The following MCM3 variants were observed in gnomAD, a reference collection of about 807,000 sequenced individuals.
MCM3 encodes the protein DNA replication licensing factor MCM3.
In MCM3, 59 loss-of-function variants were observed where a neutral mutation model predicts 91.3. The observed-to-expected ratio is 0.65, with a 90% CI of 0.52 to 0.80. The LOEUF (loss-of-function observed/expected upper bound fraction) is 0.80, where lower values mean the gene tolerates loss of function less well. Ranked by LOEUF, MCM3 falls within the 30% of genes least tolerant of loss-of-function variation. MCM3 has a pLI of 0.00. For synonymous variants in MCM3, 383 were observed against 379.6 expected (o/e 1.01, Z -0.10); for missense variants, 919 against 1,035.4 (o/e 0.89, Z 1.54).
At chr6:52,269,728 G>A (rs959298043) in intron 12 of MCM3, among the ~76,000 whole-genome samples, 9 of 152,178 alleles carry the variant, frequency 5.9e-5, no homozygotes, top group South Asian at 2.1e-4. Flanking sequence ...AACTCAGTCC[G>A]GAGAAGGAGA....
At position 52,282,803 on chromosome 6, in the gene MCM3, C is replaced by T; in HGVS notation, c.250G>A (p.Val84Met). 1 of 1,614,064 alleles carries T rather than the reference C, an allele frequency of 6.2e-7. No homozygotes were observed. The change falls in exon 3 of 17, where the codon GTG becomes ATG. Residue 84 changes from valine to methionine, a missense_variant. By Grantham distance (21) the Val-to-Met change is conservative. Coordinates refer to ENST00000596288, the MANE Select transcript of MCM3 (RefSeq NM_002388.6). ...VAFQRALKDF[V>M]ASIDATYAKQ... is the part of the protein sequence containing the mutation. ...GCATAGGTAGCATCAATGGAGGCCA[C>T]AAAATCCTTTAAGGCCCGCTGGAAG...
chr6:52,279,477 G>A lies in MCM3; in HGVS notation c.654C>T (p.Asp218=), dbSNP rs540379586. The change falls in exon 5 of 17, where the codon GAC becomes GAT. Residue 218 remains aspartate, a synonymous_variant. Coordinates refer to ENST00000596288, the MANE Select transcript of MCM3 (RefSeq NM_002388.6). ...APAGQLPRSV[D]VILDDDLVDK... is the part of the protein sequence containing the mutation. ...CCACCAAGTCATCATCCAGAATGAC[G>A]TCCACAGAGCGGGGGAGCTGGCCGG... is the stretch of plus-strand genomic sequence containing the variant. The A allele has an allele frequency of 1.6e-4, 265 of 1,614,168 alleles. 1 individual carries two copies. The South Asian group carries it at 2.7e-3, about 16-fold the overall frequency.
intron 7 of MCM3, 140 bp downstream of exon 7, chr6:52,277,395 A>G (rs1765672819): frequency 9.3e-7 from 1 of 1,077,270 alleles, no homozygotes; most frequent in Non-Finnish European, 1.3e-6. Flanking sequence ...ATGACAAAAA[A>G]AAAAAAGATT....
In MCM3 at chr6:52,264,492, G is replaced by T; in HGVS notation, c.*96C>A. The T allele has an allele frequency of 7.5e-7, 1 of 1,334,282 alleles. No individual in the cohort carries two copies. The highest frequency in any genetic ancestry group is 1.1e-6 in the Non-Finnish European group (1 of 938,282). The allele number at this position is 1,334,282 out of a possible 1,614,324, so 82.7% of individuals were successfully genotyped here. A position where few individuals can be genotyped will look rare whatever the true frequency, so the allele number is the denominator to read the frequency against. ...CTCGCCTTCAGTTGAATTCAACACTGTTAAGGGAGTAGAGGCAAAGACTTG... is the reference window on the plus strand; with the variant it reads ...CTCGCCTTCAGTTGAATTCAACACTTTTAAGGGAGTAGAGGCAAAGACTTG... On this transcript the variant is annotated 3_prime_UTR_variant, in exon 17 of 17. Transcript: ENST00000596288.
rs1765186628 is a variant in MCM3 at position 52,272,160 on chromosome 6, T to C, written c.1827+141A>G. ...CATTTTCCTTTATAAAAGGAAATGA[T>C]TAAAATTGTATAACAGGAAGCCCTT... On this transcript the variant is annotated intron_variant, in intron 12 of 16. Transcript: ENST00000596288. The C allele has an allele frequency of 5.2e-6, 4 of 767,826 alleles. No individual in the cohort carries two copies. The South Asian group carries it at 1.2e-4, about 23-fold the overall frequency. The allele number at this position is 767,826 out of a possible 1,614,324, so 47.6% of individuals were successfully genotyped here. A position where few individuals can be genotyped will look rare whatever the true frequency, so the allele number is the denominator to read the frequency against.
At chr6:52,273,976 G>A in intron 9 of MCM3, 60 bp from the exon 10 acceptor site, 1 of 1,370,596 alleles carries the variant, frequency 7.3e-7, no homozygotes, top group South Asian at 1.3e-5. Context: ...AGAACAACAA[G>A]GCTGCTGCAG....
rs1478448870 is a variant in MCM3, at chr6:52,279,377, T to C, written c.754A>G (p.Thr252Ala). 4 of 1,613,884 alleles carry C rather than the reference T, an allele frequency of 2.5e-6. No homozygotes were observed. The highest frequency in any genetic ancestry group is 4.5e-5 in the East Asian group (2 of 44,890). ...ACCCTTTACCTGAAGGTCCCAGAGG[T>C]GTAGCCTCCCTTCTTTCCAGGAAGG... ...RCLPGKKGGY[T>A]SGTFRTVLIA... The change falls in exon 5 of 17, where the codon ACC (threonine) becomes GCC (alanine). Residue 252 changes from threonine to alanine, a missense_variant. Thr to Ala is a moderately conservative substitution (Grantham distance 58). This residue lies in a region of MCM3 where 401 missense variants were observed against 402.7 expected (regional missense o/e 1.00). Transcript: ENST00000596288.
intron 11 of MCM3, among the ~76,000 whole-genome samples, 166 bp from the exon 12 acceptor site, chr6:52,272,617 T>A (rs1383917670): frequency 6.6e-6 from 1 of 152,208 alleles, no homozygotes; most frequent in East Asian, 1.9e-4. Flanking sequence ...ATATTTTTAT[T>A]TAATTATTAC....
chr6:52,279,562 A>G lies in MCM3; in HGVS notation c.569T>C (p.Leu190Pro). ...ENNPLETEYG[L>P]SVYKDHQTIT... ...GGTCTGGTGATCCTTGTAGACAGAA[A>G]GGCCATATTCTGTCTCAAGGGGATT... The change falls in exon 5 of 17, where the codon CTT becomes CCT. Residue 190 changes from leucine to proline, a missense_variant. This residue lies in a region of MCM3 where 401 missense variants were observed against 402.7 expected (regional missense o/e 1.00). Coordinates refer to ENST00000596288, the MANE Select transcript of MCM3 (RefSeq NM_002388.6). The G allele has an allele frequency of 1.9e-6, 3 of 1,614,088 alleles. No homozygotes were observed. The highest frequency in any genetic ancestry group is 1.7e-6 in the Non-Finnish European group (2 of 1,180,010).
chr6:52,276,558 G>A, intron 8 of MCM3, 82 bp from the exon 9 acceptor site: 2 of 1,204,604 alleles, frequency 1.7e-6, no homozygotes, highest in Non-Finnish European at 1.2e-6. Flanking sequence ...TCCTTCCTAG[G>A]AATCTCTCAC....
At chr6:52,275,505 G>A (rs181416508) in intron 9 of MCM3, among the ~76,000 whole-genome samples, 1 of 152,276 alleles carries the variant, frequency 6.6e-6, no homozygotes, top group East Asian at 1.9e-4. Flanking sequence ...TTTAAAGAGG[G>A]TAATTTTGCA....
At position 52,266,667 on chromosome 6, in the gene MCM3, T is replaced by C. The variant is rs777905279; in HGVS notation, c.2102A>G (p.Asp701Gly). 6.2e-7 allele frequency: 1 copy of C among 1,614,188 alleles called. No individual in the cohort carries two copies. Among genetic ancestry groups the C allele is most frequent in the East Asian group, 2.2e-5 (1 of 44,886 alleles). The change falls in exon 15 of 17, where the codon GAT becomes GGT. Residue 701 changes from aspartate to glycine, a missense_variant. Asp to Gly is a moderately conservative substitution (Grantham distance 94, BLOSUM62 -1). Transcript: ENST00000596288. ...RRKTRQPDAK[D>G]GDSYDPYDFS... The stretch of plus-strand genomic sequence containing the variant: ...GTCATAGGGGTCGTATGAATCCCCA[T>C]CTTTGGCATCTGGCTGGCGAGTCTT...
chr6:52,279,358 T>C lies in MCM3; in HGVS notation c.770+3A>G, dbSNP rs1317495302. The stretch of plus-strand genomic sequence containing the variant: ...TCCATATACTTTAAGGCAGACCCTT[T>C]ACCTGAAGGTCCCAGAGGTGTAGCC... On this transcript the variant is annotated splice_donor_region_variant and intron_variant, in intron 5 of 16. Coordinates refer to ENST00000596288, the MANE Select transcript of MCM3 (RefSeq NM_002388.6). The C allele has an allele frequency of 6.2e-7, 1 of 1,611,416 alleles. No individual in the cohort carries two copies. Among genetic ancestry groups the C allele is most frequent in the Admixed American group, 1.7e-5 (1 of 59,990 alleles).
intron 1 of MCM3, among the ~76,000 whole-genome samples, chr6:52,283,806 ATGT>A (rs1302843252): frequency 1.3e-5 from 2 of 152,254 alleles, no homozygotes; most frequent in Non-Finnish European, 2.9e-5. Context: ...ATAGATGGAT[ATGT>A]TGTTTCACTG....
intron 12 of MCM3, among the ~76,000 whole-genome samples, chr6:52,270,328 CAAA>C (rs35565084): frequency 6.8e-5 from 7 of 103,458 alleles, no homozygotes; most frequent in Non-Finnish European, 1.2e-4. Context: ...GATTCCATCT[CAAA>C]AAAAAAAAAA....
chr6:52,275,689 A>G (rs182662670), intron 9 of MCM3, among the ~76,000 whole-genome samples: 1 of 152,362 alleles, frequency 6.6e-6, no homozygotes, highest in East Asian at 1.9e-4. Context: ...TCAGATGGAG[A>G]CTAGTTAAAT....
chr6:52,280,523 G>C (rs925282719), intron 4 of MCM3, among the ~76,000 whole-genome samples: 3 of 152,184 alleles, frequency 2.0e-5, no homozygotes, highest in African/African-American at 7.2e-5. Flanking sequence ...AGTTCCCCCA[G>C]GTCACACAGT....
chr6:52,274,538 A>T (rs996081183), intron 9 of MCM3, among the ~76,000 whole-genome samples: 19 of 151,956 alleles, frequency 1.3e-4, no homozygotes, highest in African/African-American at 3.4e-4. Flanking sequence ...AGAAAAAAAA[A>T]TTTGCCAGGC....
chr6:52,277,023 C>A, intron 8 of MCM3, 44 bp downstream of exon 8: 2 of 1,591,312 alleles, frequency 1.3e-6, no homozygotes, highest in South Asian at 1.1e-5. Context: ...GATCTATGCT[C>A]AGGCTCTCTG....
Sources: allele counts gnomAD v4.1 joint callset (sites outside exome capture counted in the v4.1 genomes callset), GRCh38; gene constraint gnomAD v4.1.1; regional missense constraint gnomAD v4.1.1; transcripts MANE v1.5; gene names NCBI Gene and HGNC (gene_info 2026-07-23, HGNC 2026-07-21).